The following MTDH variants were observed in gnomAD, a reference collection of about 807,000 sequenced individuals.
The protein encoded by MTDH is metadherin.
A neutral mutation model predicts 72.7 loss-of-function variants in MTDH; 34 were observed. The ratio of observed to expected loss-of-function variants is 0.47; its 90% confidence interval spans 0.36 to 0.62. The LOEUF is 0.62. Ranked by LOEUF, MTDH falls within the 20% of genes least tolerant of loss-of-function variation. MTDH has a pLI of 0.00. For synonymous variants in MTDH, 266 were observed against 268.9 expected (o/e 0.99, Z 0.10); for missense variants, 677 against 699.4 (o/e 0.97, Z 0.36).
chr8:97,691,373 ACAT>A (rs1813601881), intron 6 of MTDH, among the ~76,000 whole-genome samples, 185 bp downstream of exon 6: 2 of 152,200 alleles, frequency 1.3e-5, no homozygotes, highest in Admixed American at 6.5e-5. Context: ...TAAGTAAATA[ACAT>A]CATTTACTCT....
In MTDH at chr8:97,691,198, G is replaced by T; in HGVS notation, c.1048+10G>T. ...ATATTTTCTGGCATTGGTAAGAAGT[G>T]TTAGAAAAATTTAACTTTATTTAAA... is the stretch of plus-strand genomic sequence containing the variant. On this transcript the variant is annotated intron_variant, in intron 6 of 11. Transcript: ENST00000336273. 6.6e-7 allele frequency: 1 copy of T among 1,511,152 alleles called. No individual in the cohort carries two copies. The allele number at this position is 1,511,152 out of a possible 1,614,324, so 93.6% of individuals were successfully genotyped here.
chr8:97,661,918 C>CAAAAA (rs11440340), intron 2 of MTDH, among the ~76,000 whole-genome samples: 1 of 110,304 alleles, frequency 9.1e-6, no homozygotes, highest in Non-Finnish European at 2.0e-5. Context: ...GACCCTGTCT[C>CAAAAA]AAAAAAAAAA....
At chr8:97,722,206 G>A (rs1324233204) in intron 10 of MTDH, among the ~76,000 whole-genome samples, 3 of 152,176 alleles carry the variant, frequency 2.0e-5, no homozygotes, top group African/African-American at 7.2e-5. Flanking sequence ...CAAGGCTGCA[G>A]TGAGCTGTTT....
At chr8:97,707,960 GTCTTT>G (rs1814432525) in intron 8 of MTDH, among the ~76,000 whole-genome samples, 1 of 151,524 alleles carries the variant, frequency 6.6e-6, no homozygotes, top group Non-Finnish European at 1.5e-5. Flanking sequence ...GGATGGATTG[GTCTTT>G]TTTTTTTTTC....
intron 6 of MTDH, among the ~76,000 whole-genome samples, chr8:97,694,999 T>C (rs2131019582): frequency 6.6e-6 from 1 of 152,232 alleles, no homozygotes; most frequent in Middle Eastern, 3.4e-3. Context: ...ATTTCTGTGC[T>C]ATAAAGCATC....
At chr8:97,660,358 C>A (rs1320047402) in intron 1 of MTDH, among the ~76,000 whole-genome samples, 1 of 152,134 alleles carries the variant, frequency 6.6e-6, no homozygotes, top group Non-Finnish European at 1.5e-5. Flanking sequence ...CATGAAATTA[C>A]AGAATTAGAG....
intron 6 of MTDH, among the ~76,000 whole-genome samples, chr8:97,696,051 G>A (rs553782342): frequency 1.4e-4 from 22 of 152,250 alleles, no homozygotes; most frequent in South Asian, 2.1e-4. Flanking sequence ...GCCCAGCTAC[G>A]TAATAAATAT....
In MTDH at chr8:97,712,495, C is replaced by T. The variant is rs115419000; in HGVS notation, c.1273-1167C>T. 2.7e-3 allele frequency among the ~76,000 whole-genome samples: 410 copies of T among 152,222 alleles called. 3 individuals are homozygous for T. Among genetic ancestry groups the T allele is most frequent in the African/African-American group, 9.5e-3 (393 of 41,526 alleles). ...CTTTAACCATTTACCTATTGAAGGA[C>T]ATTTGTGTCCTTTCCAGTTTGGGAC... On this transcript the variant is annotated intron_variant, in intron 8 of 11. Coordinates refer to ENST00000336273, the MANE Select transcript of MTDH (RefSeq NM_178812.4).
chr8:97,688,806 A>G (rs1813469995), intron 4 of MTDH, among the ~76,000 whole-genome samples: 1 of 152,176 alleles, frequency 6.6e-6, no homozygotes, highest in East Asian at 1.9e-4. Flanking sequence ...GCAGTTTTCC[A>G]GGTTCTTTTT....
At chr8:97,686,005 G>T (rs559309722) in intron 2 of MTDH, among the ~76,000 whole-genome samples, 12 of 152,208 alleles carry the variant, frequency 7.9e-5, no homozygotes, top group African/African-American at 2.9e-4. Context: ...ATGCGTATAG[G>T]TATTTTATCT....
chr8:97,710,725 C>T lies in MTDH; in HGVS notation c.1273-2937C>T, dbSNP rs376815481. Among the ~76,000 whole-genome samples the T allele has an allele frequency of 2.4e-3, 354 of 145,716 alleles. 17 individuals carry two copies. In the South Asian group the frequency reaches 0.073, roughly 30 times the overall value. Reference sequence around the variant, plus strand: ...AAAAAAAAAAATAGATAAGGCCGGGCGCGGTGGTTCACGCCTGTAATCCCA... The same window carrying T: ...AAAAAAAAAAATAGATAAGGCCGGGTGCGGTGGTTCACGCCTGTAATCCCA... On this transcript the variant is annotated intron_variant, in intron 8 of 11. Transcript: ENST00000336273.
At position 97,679,189 on chromosome 8, in the gene MTDH, C is replaced by G. The variant is rs772239604; in HGVS notation, c.484-7479C>G. 3.3e-5 allele frequency among the ~76,000 whole-genome samples: 5 copies of G among 152,138 alleles called. 1 individual carries two copies. Among genetic ancestry groups the G allele is most frequent in the African/African-American group, 1.2e-4 (5 of 41,492 alleles). ...ACAAAATGGATAGAATAGCATTTACCTAGGGTTACTTTGAGAATTTAAATG... is the reference window on the plus strand; with the variant it reads ...ACAAAATGGATAGAATAGCATTTACGTAGGGTTACTTTGAGAATTTAAATG... On this transcript the variant is annotated intron_variant, in intron 2 of 11. Coordinates refer to ENST00000336273, the MANE Select transcript of MTDH (RefSeq NM_178812.4).
chr8:97,684,024 T>A (rs1052796806), intron 2 of MTDH, among the ~76,000 whole-genome samples: 17 of 151,552 alleles, frequency 1.1e-4, no homozygotes, highest in African/African-American at 4.1e-4. Context: ...GGCAGGAGAA[T>A]CGCTTGAACC....
At chr8:97,701,493 A>G (rs935689929) in intron 7 of MTDH, among the ~76,000 whole-genome samples, 3 of 152,224 alleles carry the variant, frequency 2.0e-5, no homozygotes, top group African/African-American at 7.2e-5. Flanking sequence ...TGAACCCACA[A>G]ATGGAAAACC....
At position 97,700,653 on chromosome 8, in the gene MTDH, TTTA is replaced by T. The variant is rs552054280; in HGVS notation, c.1147+806_1147+808del. Among the ~76,000 whole-genome samples the T allele has an allele frequency of 1.3e-3, 198 of 152,292 alleles. 2 individuals are homozygous for T. The highest frequency in any genetic ancestry group is 4.5e-3 in the African/African-American group (189 of 41,566). On this transcript the variant is annotated intron_variant, in intron 7 of 11. Transcript: ENST00000336273. Reference sequence around the variant, plus strand: ...AGGCACTGGTCTTAGTCTTTTGGATTTTATTATCTCATTTAATGCTTAAAACAT... The same window carrying T: ...AGGCACTGGTCTTAGTCTTTTGGATTTTATCTCATTTAATGCTTAAAACAT...
In MTDH at chr8:97,726,979, T is replaced by C. The variant is rs936819342; in HGVS notation, c.*2309T>C. On this transcript the variant is annotated 3_prime_UTR_variant, in exon 12 of 12. Coordinates refer to ENST00000336273, the MANE Select transcript of MTDH (RefSeq NM_178812.4). The stretch of plus-strand genomic sequence containing the variant: ...CTGTAATCCCAGCTACTCAGGAGGC[T>C]AAGGCAGAGAATCATTTGAACCCAG... 6.0e-5 allele frequency: 9 copies of C among 150,300 alleles called. No individual in the cohort carries two copies. The highest frequency in any genetic ancestry group is 2.0e-4 in the African/African-American group (8 of 40,786). 9.3% of individuals were successfully genotyped at this position (150,300 alleles called of 1,614,324 possible). A position where few individuals can be genotyped will look rare whatever the true frequency, so the allele number is the denominator to read the frequency against.
chr8:97,700,951 A>C (rs1814095493), intron 7 of MTDH, among the ~76,000 whole-genome samples: 1 of 152,188 alleles, frequency 6.6e-6, no homozygotes, highest in Non-Finnish European at 1.5e-5. Context: ...AAGATCAGGG[A>C]GGACCATATT....
intron 2 of MTDH, among the ~76,000 whole-genome samples, chr8:97,675,270 T>TA (rs1458991268): frequency 6.6e-6 from 1 of 152,146 alleles, no homozygotes; most frequent in Non-Finnish European, 1.5e-5. Flanking sequence ...GAGTAAGAAT[T>TA]ACATTCAGGG....
chr8:97,687,195 A>G (rs1210106630), intron 3 of MTDH, among the ~76,000 whole-genome samples: 1 of 152,202 alleles, frequency 6.6e-6, no homozygotes, highest in Non-Finnish European at 1.5e-5. Context: ...TCTAAACCAT[A>G]GATGACAGAT....
Sources: gnomAD v4.1 joint callset for allele counts (sites outside exome capture counted in the v4.1 genomes callset) on GRCh38, gnomAD v4.1.1 for gene constraint, MANE v1.5 for transcripts, NCBI Gene and HGNC (gene_info 2026-07-23, HGNC 2026-07-21) for gene names.